CSMD1: variants seen among roughly 807,000 people sequenced by gnomAD.
The protein encoded by CSMD1 is CUB and sushi domain-containing protein 1.
CSMD1 carries 213 observed loss-of-function variants against 417.5 expected under a neutral mutation model. That is an observed-to-expected ratio of 0.51 (90% confidence interval 0.46 to 0.57). The LOEUF (loss-of-function observed/expected upper bound fraction) is 0.57, where lower values mean the gene tolerates loss of function less well. Ranked by LOEUF, CSMD1 falls within the 20% of genes least tolerant of loss-of-function variation. The pLI is 0.00. For missense variants in CSMD1, 6,923 were observed against 4,529.7 expected (o/e 1.53, Z -15.17); for synonymous variants, 2,862 against 1,736.8 (o/e 1.65, Z -16.11).
intron 26 of CSMD1, among the ~76,000 whole-genome samples, chr8:3,264,397 T>C (rs1289530673): frequency 6.6e-6 from 1 of 152,158 alleles, no homozygotes; most frequent in East Asian, 1.9e-4. Context: ...TAAGTCAAAA[T>C]TCCACTCGCT....
chr8:4,809,132 C>T (rs17071459), intron 1 of CSMD1, among the ~76,000 whole-genome samples: 8,691 of 152,166 alleles, frequency 0.057, 423 homozygotes, highest in East Asian at 0.24. Flanking sequence ...GGAGCCATAG[C>T]TATTAATTCA....
intron 3 of CSMD1, among the ~76,000 whole-genome samples, chr8:4,403,146 T>C (rs749810841): frequency 1.3e-5 from 2 of 152,160 alleles, no homozygotes; most frequent in Non-Finnish European, 2.9e-5. Flanking sequence ...GTCCTCACTT[T>C]TTAAAGCTTC....
In CSMD1 at chr8:3,369,359, C is replaced by T. The variant is rs1275037955; in HGVS notation, c.2794G>A (p.Gly932Ser). ...GTTCCACTCTTCCCTTGGATGTAGC[C>T]TCCACATAGAGCTTAAAATAATAAA... Reference protein sequence around the residue: ...ALPSCDALCGGYIQGKSGTVL... With the variant: ...ALPSCDALCGSYIQGKSGTVL... The change falls in exon 19 of 70, where the codon GGC becomes AGC. Residue 932 changes from glycine to serine, a missense_variant. Gly to Ser is a moderately conservative substitution (Grantham distance 56). Coordinates refer to ENST00000635120, the MANE Select transcript of CSMD1 (RefSeq NM_033225.6). 1.9e-6 allele frequency: 3 copies of T among 1,543,846 alleles called. No individual in the cohort carries two copies. In the African/African-American group the frequency reaches 4.1e-5, roughly 21 times the overall value.
At chr8:4,486,250 CATATAT>C (rs376449969) in intron 2 of CSMD1, among the ~76,000 whole-genome samples, 4 of 13,218 alleles carry the variant, frequency 3.0e-4, no homozygotes, top group South Asian at 3.5e-3. Context: ...TATATACATA[CATATAT>C]ATATATATAT....
At chr8:3,263,728 A>T (rs1022811514) in intron 26 of CSMD1, among the ~76,000 whole-genome samples, 1 of 152,222 alleles carries the variant, frequency 6.6e-6, no homozygotes, top group Non-Finnish European at 1.5e-5. Flanking sequence ...ATCCCAATTA[A>T]GTTCTTAAGA....
chr8:4,043,741 C>T (rs75188524), intron 3 of CSMD1, among the ~76,000 whole-genome samples: 8 of 152,236 alleles, frequency 5.3e-5, no homozygotes, highest in African/African-American at 1.9e-4. Context: ...CTAATAGATA[C>T]TATTGATATC....
At chr8:4,016,389 C>T (rs56899440) in intron 4 of CSMD1, among the ~76,000 whole-genome samples, 4 of 152,080 alleles carry the variant, frequency 2.6e-5, no homozygotes, top group South Asian at 4.2e-4. Flanking sequence ...CCGAGATGAT[C>T]GAGCCAGTGG....
At chr8:4,794,675 T>G (rs1797876470) in intron 1 of CSMD1, among the ~76,000 whole-genome samples, 1 of 152,218 alleles carries the variant, frequency 6.6e-6, no homozygotes, top group Non-Finnish European at 1.5e-5. Flanking sequence ...TTCTGCTGAC[T>G]GCTATTGGCC....
chr8:3,246,087 A>T (rs1445033163), intron 26 of CSMD1, among the ~76,000 whole-genome samples: 1 of 152,114 alleles, frequency 6.6e-6, no homozygotes, highest in East Asian at 1.9e-4. Flanking sequence ...TCTGCACTGC[A>T]TCTAGGAAGA....
chr8:3,966,291 G>T (rs557040834), intron 5 of CSMD1, among the ~76,000 whole-genome samples: 1 of 152,158 alleles, frequency 6.6e-6, no homozygotes, highest in Non-Finnish European at 1.5e-5. Flanking sequence ...GAGGGGCTTG[G>T]ACAGTAACTG....
At chr8:3,138,168 G>A (rs932512679) in intron 41 of CSMD1, among the ~76,000 whole-genome samples, 1 of 152,248 alleles carries the variant, frequency 6.6e-6, no homozygotes, top group African/African-American at 2.4e-5. Flanking sequence ...AGAGGGTGCA[G>A]TGAGCTGAGA....
rs575745799 is a variant in CSMD1, at chr8:3,564,663, T to G, written c.1344+10282A>C. Among the ~76,000 whole-genome samples the G allele has an allele frequency of 2.0e-5, 3 of 151,934 alleles. No homozygotes were observed. In the South Asian group the frequency reaches 6.2e-4, roughly 32 times the overall value. ...CTATTTAGTTCTGAAAGTTAAGAAC[T>G]GAGGTGTTATAAGAAAATCAATCCA... On this transcript the variant is annotated intron_variant, in intron 10 of 69. Transcript: ENST00000635120.
At chr8:4,033,351 A>G (rs905401145) in intron 3 of CSMD1, among the ~76,000 whole-genome samples, 3 of 152,070 alleles carry the variant, frequency 2.0e-5, no homozygotes. Flanking sequence ...CTGAGGCAGG[A>G]GAATGGCGTG....
At chr8:3,276,156 C>T (rs1308783277) in intron 26 of CSMD1, among the ~76,000 whole-genome samples, 1 of 152,042 alleles carries the variant, frequency 6.6e-6, no homozygotes, top group Non-Finnish European at 1.5e-5. Context: ...CAGTCAGGAC[C>T]TTCAGATGCA....
chr8:3,319,860 T>C (rs898159618), intron 23 of CSMD1, among the ~76,000 whole-genome samples: 16 of 152,236 alleles, frequency 1.1e-4, no homozygotes, highest in African/African-American at 3.9e-4. Context: ...CTTATATTTA[T>C]ATTTATTTGC....
At chr8:3,246,165 C>T (rs749720879) in intron 26 of CSMD1, among the ~76,000 whole-genome samples, 1 of 152,116 alleles carries the variant, frequency 6.6e-6, no homozygotes, top group African/African-American at 2.4e-5. Context: ...ATTCCCATCA[C>T]TCTAGCTCCA....
rs374140372 is a variant in CSMD1 at position 3,409,552 on chromosome 8, T to A, written c.1615A>T (p.Thr539Ser). The A allele has an allele frequency of 3.2e-5, 51 of 1,610,844 alleles. No homozygotes were observed. The highest frequency in any genetic ancestry group is 3.8e-5 in the Non-Finnish European group (45 of 1,178,598). ...DPGIPAYGKR[T>S]GSSFLHGDTL... ...TCTCCATGGAGGAAACTGCTGCCCG[T>A]CCGCTTCCCATAGGCGGGGATTCCA... Residue 539 changes from threonine (T) to serine (S), a missense_variant, in exon 13 of 70, where the codon ACG becomes TCG. Coordinates refer to ENST00000635120, the MANE Select transcript of CSMD1 (RefSeq NM_033225.6).
At chr8:3,286,073 G>A (rs997232586) in intron 25 of CSMD1, among the ~76,000 whole-genome samples, 1 of 152,082 alleles carries the variant, frequency 6.6e-6, no homozygotes, top group Non-Finnish European at 1.5e-5. Flanking sequence ...GAGAACATGA[G>A]GCGTTTGGTT....
chr8:3,580,705 G>A (rs188159777), intron 9 of CSMD1, among the ~76,000 whole-genome samples: 49 of 152,262 alleles, frequency 3.2e-4, no homozygotes, highest in Admixed American at 4.6e-4. Context: ...TTAACCGTGT[G>A]TTCTTCTGTC....
Sources: gnomAD v4.1 joint callset for allele counts (sites outside exome capture counted in the v4.1 genomes callset) on GRCh38, gnomAD v4.1.1 for gene constraint, MANE v1.5 for transcripts, NCBI Gene and HGNC (gene_info 2026-07-23, HGNC 2026-07-21) for gene names.